Variants in PTPRG observed in about 807,000 individuals in gnomAD.
PTPRG encodes receptor-type tyrosine-protein phosphatase gamma.
In PTPRG, 102 loss-of-function variants were observed where a neutral mutation model predicts 165.3. The ratio of observed to expected loss-of-function variants is 0.62; its 90% CI spans 0.53 to 0.73. The LOEUF (loss-of-function observed/expected upper bound fraction) is 0.73. Ranked by LOEUF, PTPRG falls within the 30% of genes least tolerant of loss-of-function variation. The pLI is 0.00. For missense variants in PTPRG, 1,866 were observed against 1,861.4 expected, an observed-to-expected ratio of 1.00 and a Z score of -0.05; for synonymous variants, 675 against 669.5, an observed-to-expected ratio of 1.01 and a Z score of -0.13.
rs142015107 is a variant in PTPRG, at chr3:62,268,663, G to A, written c.2875-372G>A. 5.7e-3 allele frequency among the ~76,000 whole-genome samples: 862 copies of A among 152,112 alleles called. 10 individuals are homozygous for A. The highest frequency in any genetic ancestry group is 0.02 in the African/African-American group (827 of 41,506). On this transcript the variant is annotated intron_variant, in intron 19 of 29. Coordinates refer to ENST00000474889, the MANE Select transcript of PTPRG (RefSeq NM_002841.4). ...AGAGAACCTTCCATGAATCCAACCCGGCCTTCCAAATGATACTTAAGCTCC... is the reference window on the plus strand; with the variant it reads ...AGAGAACCTTCCATGAATCCAACCCAGCCTTCCAAATGATACTTAAGCTCC...
At chr3:61,873,233 C>T (rs2037631535) in intron 2 of PTPRG, among the ~76,000 whole-genome samples, 1 of 152,168 alleles carries the variant, frequency 6.6e-6, no homozygotes, top group African/African-American at 2.4e-5. Context: ...AAACTGGCTA[C>T]AGCCTCAATG....
intron 2 of PTPRG, among the ~76,000 whole-genome samples, chr3:61,899,810 C>T (rs374130939): frequency 5.9e-5 from 9 of 152,124 alleles, no homozygotes; most frequent in Admixed American, 3.3e-4. Flanking sequence ...ATCGGGATGT[C>T]GTGGGATTTA....
At chr3:61,642,901 C>G (rs935701128) in intron 1 of PTPRG, among the ~76,000 whole-genome samples, 5 of 152,162 alleles carry the variant, frequency 3.3e-5, no homozygotes, top group Non-Finnish European at 7.4e-5. Context: ...AGACAATAAG[C>G]TGTTGTTTGC....
intron 2 of PTPRG, among the ~76,000 whole-genome samples, chr3:61,930,850 C>T (rs1254157505): frequency 6.6e-6 from 1 of 152,138 alleles, no homozygotes; most frequent in African/African-American, 2.4e-5. Flanking sequence ...ATCACGAGGT[C>T]AGGAGTTCGA....
chr3:61,876,894 G>A (rs1481917126), intron 2 of PTPRG, among the ~76,000 whole-genome samples: 1 of 151,792 alleles, frequency 6.6e-6, no homozygotes, highest in Non-Finnish European at 1.5e-5. Context: ...TTTAGAATTT[G>A]TCATAATGTA....
intron 1 of PTPRG, among the ~76,000 whole-genome samples, chr3:61,592,763 C>G (rs1700603897): frequency 6.6e-6 from 1 of 151,698 alleles, no homozygotes; most frequent in South Asian, 2.1e-4. Context: ...TGAAGGCAGT[C>G]CCACAAGTTT....
chr3:61,613,775 C>T lies in PTPRG; in HGVS notation c.85+51403C>T, dbSNP rs184781979. 2.0e-3 allele frequency among the ~76,000 whole-genome samples: 297 copies of T among 152,270 alleles called. 1 individual carries two copies. The highest frequency in any genetic ancestry group is 3.1e-3 in the Non-Finnish European group (208 of 68,022). On this transcript the variant is annotated intron_variant, in intron 1 of 29. Coordinates refer to ENST00000474889, the MANE Select transcript of PTPRG (RefSeq NM_002841.4). ...AGAAGAGGGTAGAGGTGGTTTATTA[C>T]AGTTGTGCTTTTGTATTTTGTTGAA...
chr3:61,681,054 T>TAAAAAAAAAAAAAAAAAAAAAAAAAAAA (rs61198100), intron 1 of PTPRG, among the ~76,000 whole-genome samples: 3 of 66,104 alleles, frequency 4.5e-5, no homozygotes, highest in African/African-American at 1.6e-4. Context: ...CTTTATGTTC[T>TAAAAAAAAAAAAAAAAAAAAAAAAAAAA]AAAAAAAAAA....
chr3:62,130,148 C>T (rs1359089539), intron 5 of PTPRG, among the ~76,000 whole-genome samples: 2 of 152,102 alleles, frequency 1.3e-5, no homozygotes, highest in African/African-American at 4.8e-5. Context: ...GCAGATGGTT[C>T]CACTGAGGCT....
intron 2 of PTPRG, among the ~76,000 whole-genome samples, chr3:61,775,442 G>A (rs964926221): frequency 1.3e-5 from 2 of 152,078 alleles, no homozygotes; most frequent in Non-Finnish European, 2.9e-5. Flanking sequence ...ATGCAACATG[G>A]CCTGCTTTGG....
intron 2 of PTPRG, among the ~76,000 whole-genome samples, chr3:61,959,369 T>C (rs1169924500): frequency 6.6e-6 from 1 of 152,178 alleles, no homozygotes; most frequent in African/African-American, 2.4e-5. Flanking sequence ...GGGACTGGTT[T>C]TGTGGAAGAC....
intron 1 of PTPRG, among the ~76,000 whole-genome samples, chr3:61,634,224 A>G (rs1233144952): frequency 2.0e-5 from 3 of 151,826 alleles, no homozygotes; most frequent in Non-Finnish European, 4.4e-5. Flanking sequence ...TGCCAGGATT[A>G]CAGGTGTGAG....
intron 2 of PTPRG, among the ~76,000 whole-genome samples, chr3:61,794,091 C>T (rs953836463): frequency 2.6e-5 from 4 of 152,168 alleles, no homozygotes; most frequent in Non-Finnish European, 5.9e-5. Flanking sequence ...GTTTGCCCAA[C>T]TGCCTTGACT....
intron 20 of PTPRG, among the ~76,000 whole-genome samples, chr3:62,270,757 T>C (rs1034720709): frequency 6.6e-6 from 1 of 152,152 alleles, no homozygotes; most frequent in African/African-American, 2.4e-5. Flanking sequence ...AATCGTATCA[T>C]AGCAAATAAT....
At chr3:61,740,815 T>C (rs913976196) in intron 1 of PTPRG, among the ~76,000 whole-genome samples, 1 of 152,232 alleles carries the variant, frequency 6.6e-6, no homozygotes. Flanking sequence ...CTTTTTATAG[T>C]TGAAACAGTA....
chr3:61,605,980 C>G (rs1700994884), intron 1 of PTPRG, among the ~76,000 whole-genome samples: 1 of 152,248 alleles, frequency 6.6e-6, no homozygotes, highest in South Asian at 2.1e-4. Flanking sequence ...TCTGTCTTTT[C>G]CATTTTCCTG....
At chr3:61,681,685 T>A (rs1210215685) in intron 1 of PTPRG, among the ~76,000 whole-genome samples, 1 of 152,184 alleles carries the variant, frequency 6.6e-6, no homozygotes, top group Non-Finnish European at 1.5e-5. Context: ...AGATAATACA[T>A]GTAAAGTATT....
chr3:61,830,567 T>G (rs1194606983), intron 2 of PTPRG, among the ~76,000 whole-genome samples: 5 of 38,922 alleles, frequency 1.3e-4, no homozygotes, highest in African/African-American at 6.3e-4. Context: ...TTTGTTTTTG[T>G]TTTTTTTTTT....
In PTPRG at chr3:62,273,093, C is replaced by T. The variant is rs376801896; in HGVS notation, c.3318+12C>T. ...TCGTCCAGACTGAGGTAAGGAGTAG[C>T]TGCCAGCGTCCTCACGACATTCTGG... On this transcript the variant is annotated intron_variant, in intron 22 of 29. Transcript: ENST00000474889. This position sits in a 1 kb window ranked among gnomAD's most constrained non-coding sequence, Gnocchi z 4.1. The T allele has an allele frequency of 3.6e-5, 58 of 1,598,758 alleles. No individual in the cohort carries two copies. Among genetic ancestry groups the T allele is most frequent in the Non-Finnish European group, 4.8e-5 (56 of 1,174,292 alleles).
Sources: allele counts gnomAD v4.1 joint callset (sites outside exome capture counted in the v4.1 genomes callset), GRCh38; gene constraint gnomAD v4.1.1; non-coding constraint Gnocchi (gnomAD v3.1); transcripts MANE v1.5; gene names NCBI Gene and HGNC (gene_info 2026-07-23, HGNC 2026-07-21).